The following HDAC9 variants were observed in gnomAD, a reference collection of about 807,000 sequenced individuals.
HDAC9 encodes the protein histone deacetylase 9.
In HDAC9, 41 loss-of-function variants were observed where a neutral mutation model predicts 139.4. The observed-to-expected ratio is 0.29, with a 90% CI of 0.23 to 0.38. HDAC9 has a LOEUF of 0.38. Ranked by LOEUF, HDAC9 falls within the 10% of genes least tolerant of loss-of-function variation. The pLI is 1.00. For missense variants in HDAC9, 1,147 were observed against 1,297.0 expected, an observed-to-expected ratio of 0.88 and a Z score of 1.78; for synonymous variants, 517 against 476.2, an observed-to-expected ratio of 1.09 and a Z score of -1.12.
chr7:18,172,244 A>G (rs868579404), intron 2 of HDAC9, among the ~76,000 whole-genome samples: 19 of 152,058 alleles, frequency 1.2e-4, no homozygotes, highest in African/African-American at 4.3e-4. Context: ...CGGTTTTTAT[A>G]GTATTCTATT....
In HDAC9 at chr7:18,561,377, A is replaced by G. The variant is rs141403352; in HGVS notation, c.23-23904A>G. On this transcript the variant is annotated intron_variant, in intron 2 of 25. Coordinates refer to ENST00000686413, the MANE Select transcript of HDAC9 (RefSeq NM_178425.4). ...AATGAAGAAATATTTTGTTCTGTAT[A>G]TTAACCTTTTGTTATGCCTAGAGCT... 1.6e-3 allele frequency among the ~76,000 whole-genome samples: 247 copies of G among 152,310 alleles called. 2 individuals carry two copies. Among genetic ancestry groups the G allele is most frequent in the Middle Eastern group, 6.8e-3 (2 of 294 alleles).
chr7:18,251,589 TC>T lies in HDAC9; in HGVS notation c.25+89241del, dbSNP rs376749067. On this transcript the variant is annotated intron_variant, in intron 2 of 12. Transcript: ENST00000417496. ...TGGAGAAGATGGAGGGCAGGGAGATTCTAAGAACAAATTTTTGTGACACTCT... is the reference window on the plus strand; with the variant it reads ...TGGAGAAGATGGAGGGCAGGGAGATTTAAGAACAAATTTTTGTGACACTCT... 7.2e-5 allele frequency among the ~76,000 whole-genome samples: 11 copies of T among 152,278 alleles called. No individual in the cohort carries two copies. In the East Asian group the frequency reaches 2.1e-3, roughly 29 times the overall value.
rs182277614 is a variant in HDAC9, at chr7:18,929,587, C to T, written c.2804-6222C>T. Among the ~76,000 whole-genome samples the T allele has an allele frequency of 1.4e-3, 207 of 152,040 alleles. No homozygotes were observed. The Middle Eastern group carries it at 0.017, about 12-fold the overall frequency. ...TAGTAGATGTGGTGTTTGATTAATG[C>T]CTCATTCTAAAATATTTCCTAAAAT... On this transcript the variant is annotated intron_variant, in intron 22 of 25. Coordinates refer to ENST00000686413, the MANE Select transcript of HDAC9 (RefSeq NM_178425.4).
In HDAC9 at chr7:18,829,379, A is replaced by T. The variant is rs1052645775; in HGVS notation, c.2379-82A>T. On this transcript the variant is annotated intron_variant, in intron 18 of 25. Transcript: ENST00000686413. The stretch of plus-strand genomic sequence containing the variant: ...TGGCTTCAGAGATCATATAGCATTT[A>T]AAAAAATGCTCTGAACATTATTTAT... 65 of 1,211,384 alleles carry T rather than the reference A, an allele frequency of 5.4e-5. 1 individual carries two copies. The highest frequency in any genetic ancestry group is 3.0e-4 in the South Asian group (24 of 80,136). The allele number at this position is 1,211,384 out of a possible 1,614,324, so 75.0% of individuals were successfully genotyped here.
chr7:18,120,206 G>A (rs1343018590), intron 1 of HDAC9, among the ~76,000 whole-genome samples: 4 of 152,184 alleles, frequency 2.6e-5, no homozygotes, highest in Non-Finnish European at 5.9e-5. Context: ...CTGGCATCTA[G>A]TGGGCAGAGG....
intron 2 of HDAC9, among the ~76,000 whole-genome samples, chr7:18,283,161 C>G (rs1797212622): frequency 6.6e-6 from 1 of 152,048 alleles, no homozygotes; most frequent in Non-Finnish European, 1.5e-5. Flanking sequence ...GAAGGCTCAA[C>G]AGGAAGCGTG....
At chr7:18,958,615 G>A (rs1451735929) in intron 24 of HDAC9, among the ~76,000 whole-genome samples, 4 of 152,234 alleles carry the variant, frequency 2.6e-5, no homozygotes, top group Non-Finnish European at 5.9e-5. Flanking sequence ...GTTCCTGCTT[G>A]TTTTTAATTG....
chr7:18,689,432 T>C (rs2129096262), intron 12 of HDAC9, among the ~76,000 whole-genome samples: 1 of 152,080 alleles, frequency 6.6e-6, no homozygotes, highest in African/African-American at 2.4e-5. Context: ...GGATCTAGTC[T>C]GAGAGGAATG....
intron 24 of HDAC9, among the ~76,000 whole-genome samples, chr7:18,967,884 C>T (rs1338611157): frequency 6.6e-6 from 1 of 152,056 alleles, no homozygotes. Flanking sequence ...AACTTCAGGC[C>T]GGGCACAGTG....
chr7:18,457,318 A>G (rs1409652469), intron 1 of HDAC9, among the ~76,000 whole-genome samples: 1 of 152,224 alleles, frequency 6.6e-6, no homozygotes, highest in Non-Finnish European at 1.5e-5. Context: ...TTTTAATTTA[A>G]TATGAAATAG....
At chr7:18,139,207 C>A (rs1433216273) in intron 1 of HDAC9, among the ~76,000 whole-genome samples, 1 of 149,662 alleles carries the variant, frequency 6.7e-6, no homozygotes, top group Non-Finnish European at 1.5e-5. Context: ...CTCACTGCAG[C>A]CTTGACCTCC....
intron 21 of HDAC9, among the ~76,000 whole-genome samples, chr7:18,865,631 G>A (rs1798434824): frequency 6.6e-6 from 1 of 152,126 alleles, no homozygotes; most frequent in African/African-American, 2.4e-5. Context: ...GGCACTGGGG[G>A]CTGTTCTGCA....
chr7:18,672,569 T>G (rs1353540951), intron 12 of HDAC9, among the ~76,000 whole-genome samples: 3 of 152,084 alleles, frequency 2.0e-5, no homozygotes, highest in Non-Finnish European at 4.4e-5. Context: ...AAGTCCAGTT[T>G]ATCTATTTTT....
chr7:18,868,736 C>T (rs1023915388), intron 21 of HDAC9, among the ~76,000 whole-genome samples: 5 of 152,020 alleles, frequency 3.3e-5, no homozygotes, highest in Non-Finnish European at 7.4e-5. Context: ...GCTTCAGAGG[C>T]GGGCCTCTGA....
At chr7:18,763,382 AG>A (rs1789553868) in intron 15 of HDAC9, among the ~76,000 whole-genome samples, 1 of 152,216 alleles carries the variant, frequency 6.6e-6, no homozygotes, top group Admixed American at 6.5e-5. Context: ...GTAGCAGTAT[AG>A]GTAGCAGTAG....
chr7:18,989,510 G>T (rs1306560410), intron 25 of HDAC9, among the ~76,000 whole-genome samples: 1 of 149,668 alleles, frequency 6.7e-6, no homozygotes, highest in Non-Finnish European at 1.5e-5. Flanking sequence ...TTCAACTTTG[G>T]TGAATCTGAC....
At chr7:18,869,887 GTTT>G (rs146884767) in intron 21 of HDAC9, among the ~76,000 whole-genome samples, 5 of 145,344 alleles carry the variant, frequency 3.4e-5, no homozygotes, top group African/African-American at 5.0e-5. Flanking sequence ...GGTTTTTTTT[GTTT>G]TTTTTTTTTA....
chr7:18,527,526 G>A (rs909828533), intron 2 of HDAC9, among the ~76,000 whole-genome samples: 43 of 151,776 alleles, frequency 2.8e-4, no homozygotes, highest in Admixed American at 1.5e-3. Context: ...TGATAATACC[G>A]AAAAAAATCC....
At chr7:18,741,058 G>A (rs547058064) in intron 13 of HDAC9, among the ~76,000 whole-genome samples, 113 of 152,286 alleles carry the variant, frequency 7.4e-4, no homozygotes, top group Non-Finnish European at 1.1e-3. Flanking sequence ...GAAAGAAGCC[G>A]TCTCTGTAAC....
Sources: gnomAD v4.1 joint callset for allele counts (sites outside exome capture counted in the v4.1 genomes callset) on GRCh38, gnomAD v4.1.1 for gene constraint, MANE v1.5 for transcripts, NCBI Gene and HGNC (gene_info 2026-07-23, HGNC 2026-07-21) for gene names.